Variants in ARID1B observed in about 807,000 individuals in gnomAD.
The protein encoded by ARID1B is AT-rich interactive domain-containing protein 1B.
Under a neutral mutation model 212.3 loss-of-function variants are expected in ARID1B, and 30 were observed. The ratio of observed to expected loss-of-function variants is 0.14; its 90% CI spans 0.11 to 0.19. The LOEUF (loss-of-function observed/expected upper bound fraction) is 0.19, where lower values mean the gene tolerates loss of function less well. ARID1B is among the 10% of genes least tolerant of loss of function. The pLI, the probability that ARID1B is intolerant of heterozygous loss-of-function variation, is 1.00. For synonymous variants in ARID1B, 1,402 were observed against 1,301.7 expected (o/e 1.08, Z -1.66); for missense variants, 2,891 against 3,204.0 (o/e 0.90, Z 2.36).
intron 4 of ARID1B, among the ~76,000 whole-genome samples, chr6:156,990,551 G>C (rs9397990): frequency 3.9e-5 from 6 of 152,130 alleles, no homozygotes; most frequent in African/African-American, 1.4e-4. Flanking sequence ...TGAGGCAGGA[G>C]AATCACTTGA....
At chr6:156,972,363 G>A (rs1479409022) in intron 4 of ARID1B, among the ~76,000 whole-genome samples, 1 of 152,174 alleles carries the variant, frequency 6.6e-6, no homozygotes, top group Non-Finnish European at 1.5e-5. Context: ...TGGTTGCATG[G>A]TGGCACCTGT....
At chr6:156,991,872 A>G (rs937826034) in intron 4 of ARID1B, among the ~76,000 whole-genome samples, 2 of 152,186 alleles carry the variant, frequency 1.3e-5, no homozygotes, top group Non-Finnish European at 2.9e-5. Context: ...TCTCCAGGAC[A>G]TGTTTGTTCA....
At chr6:156,873,424 A>G (rs1786302552) in intron 2 of ARID1B, among the ~76,000 whole-genome samples, 1 of 152,212 alleles carries the variant, frequency 6.6e-6, no homozygotes, top group East Asian at 1.9e-4. Context: ...GTCTTTTATT[A>G]CTTTAAACTT....
Position 157,206,559 on chromosome 6 carries a change from G to T in ARID1B, c.5787G>T (p.Leu1929Phe). ...TTGTTGTTGACCGATCTGACAAGTT[G>T]GGGCGTGTGCAGGAGTTCAATAGTG... Reference protein sequence around the residue: ...NLFVVDRSDKLGRVQEFNSGL... With the variant: ...NLFVVDRSDKFGRVQEFNSGL... Residue 1929 changes from leucine (L) to phenylalanine (F), a missense_variant, in exon 20 of 20, where the codon TTG (leucine) becomes TTT (phenylalanine). Around this residue, in one of 7 missense-constraint regions of ARID1B, gnomAD observed 332 missense variants for 369.2 expected, o/e 0.90. Transcript: ENST00000636930. This position sits in a 1 kb window ranked among gnomAD's most constrained non-coding sequence, Gnocchi z 6.8. 6.2e-7 allele frequency: 1 copy of T among 1,614,140 alleles called. No individual in the cohort carries two copies. Among genetic ancestry groups the T allele is most frequent in the Non-Finnish European group, 8.5e-7 (1 of 1,180,024 alleles).
At chr6:157,098,016 A>T (rs1251920714) in intron 5 of ARID1B, among the ~76,000 whole-genome samples, 1 of 152,248 alleles carries the variant, frequency 6.6e-6, no homozygotes, top group Non-Finnish European at 1.5e-5. Flanking sequence ...CAAGTCTTTC[A>T]TCTGTCACTA....
intron 1 of ARID1B, among the ~76,000 whole-genome samples, chr6:156,815,276 C>A (rs982702054): frequency 6.6e-6 from 1 of 152,108 alleles, no homozygotes; most frequent in Non-Finnish European, 1.5e-5. Flanking sequence ...AAATTTTCTA[C>A]TGTTGAGTTT....
chr6:156,861,780 T>G (rs1310969842), intron 2 of ARID1B, among the ~76,000 whole-genome samples: 5 of 152,066 alleles, frequency 3.3e-5, no homozygotes, highest in Non-Finnish European at 7.4e-5. Flanking sequence ...AGCTATGAAG[T>G]CTGTACTCTA....
At chr6:156,867,089 C>A (rs1448694167) in intron 2 of ARID1B, among the ~76,000 whole-genome samples, 1 of 152,172 alleles carries the variant, frequency 6.6e-6, no homozygotes, top group Non-Finnish European at 1.5e-5. Context: ...TGTCTTTCAG[C>A]CATCCATTGC....
chr6:156,915,543 C>T (rs774836816), intron 3 of ARID1B, among the ~76,000 whole-genome samples: 3 of 149,892 alleles, frequency 2.0e-5, no homozygotes, highest in East Asian at 2.0e-4. Context: ...ACTGCAGCCT[C>T]GGTGACAGAG....
chr6:156,791,836 C>A (rs750536139), intron 1 of ARID1B, among the ~76,000 whole-genome samples: 2 of 152,100 alleles, frequency 1.3e-5, no homozygotes, highest in Non-Finnish European at 2.9e-5. Context: ...GGAACCGTGT[C>A]CTTTTAAAAA....
intron 4 of ARID1B, chr6:157,030,232 C>T (rs1335474908): frequency 6.6e-6 from 1 of 152,320 alleles, no homozygotes; most frequent in Non-Finnish European, 1.5e-5. Flanking sequence ...GTAACAGGAC[C>T]ATGTGTTATC....
chr6:156,831,334 G>A (rs1327677918), intron 2 of ARID1B, among the ~76,000 whole-genome samples: 8 of 152,196 alleles, frequency 5.3e-5, no homozygotes, highest in East Asian at 3.8e-4. Context: ...TAGTGGGACC[G>A]GCAGAGAGAA....
At chr6:157,125,262 G>A (rs897225543) in intron 6 of ARID1B, among the ~76,000 whole-genome samples, 2 of 152,180 alleles carry the variant, frequency 1.3e-5, no homozygotes, top group African/African-American at 4.8e-5. Context: ...CTTAGAGGAG[G>A]AAAACCAATA....
intron 3 of ARID1B, among the ~76,000 whole-genome samples, chr6:156,924,004 T>C (rs1251283779): frequency 6.6e-6 from 1 of 152,236 alleles, no homozygotes; most frequent in Non-Finnish European, 1.5e-5. Flanking sequence ...CTGATTCTCA[T>C]TCTTAAATAT....
intron 2 of ARID1B, among the ~76,000 whole-genome samples, chr6:156,880,567 C>T (rs1159770327): frequency 1.3e-5 from 2 of 151,678 alleles, no homozygotes; most frequent in Admixed American, 6.6e-5. Flanking sequence ...GGCGAAACCC[C>T]GTCTCTACTA....
At chr6:156,977,904 C>T (rs1284130784) in intron 4 of ARID1B, among the ~76,000 whole-genome samples, 1 of 152,162 alleles carries the variant, frequency 6.6e-6, no homozygotes, top group East Asian at 1.9e-4. Flanking sequence ...TAAGCAGGGT[C>T]TGCACTGATT....
intron 3 of ARID1B, among the ~76,000 whole-genome samples, chr6:156,914,742 A>G (rs566435995): frequency 8.5e-5 from 13 of 152,296 alleles, no homozygotes; most frequent in Middle Eastern, 3.4e-3. Context: ...GGCTTTGGAA[A>G]ATCAACATAT....
In ARID1B at chr6:157,201,046, T is replaced by C. The variant is rs1794070706; in HGVS notation, c.4821T>C (p.Pro1607=). The change falls in exon 18 of 20, where the codon CCT becomes CCC. Residue 1607 remains proline, a synonymous_variant. Coordinates refer to ENST00000636930, the MANE Select transcript of ARID1B (RefSeq NM_001374828.1). The surrounding 1 kb of genome is among the most constrained non-coding windows in gnomAD (Gnocchi z 5.2). ...AGAACAGGCAGGGCCCTGGCGGCCCTACACAGGCGCCCCCTTACCCAGGCA... is the reference window on the plus strand; with the variant it reads ...AGAACAGGCAGGGCCCTGGCGGCCCCACACAGGCGCCCCCTTACCCAGGCA... ...PYQNRQGPGG[P]TQAPPYPGMN... The C allele has an allele frequency of 1.2e-6, 2 of 1,613,758 alleles. No homozygotes were observed. The highest frequency in any genetic ancestry group is 8.5e-7 in the Non-Finnish European group (1 of 1,179,836).
In ARID1B at chr6:156,994,176, GT is replaced by G. The variant is rs1443731608; in HGVS notation, c.2247+58606del. ...GTAGAAATAGTGACTGATTTAAAAAGTTTTTTGCCCTTAATGAAGGGTTAGA... is the reference window on the plus strand; with the variant it reads ...GTAGAAATAGTGACTGATTTAAAAAGTTTTTGCCCTTAATGAAGGGTTAGA... On this transcript the variant is annotated intron_variant, in intron 4 of 19. Transcript: ENST00000636930. Among the ~76,000 whole-genome samples, 10 of 152,102 alleles carry G rather than the reference GT, an allele frequency of 6.6e-5. 1 individual carries two copies. Among genetic ancestry groups the G allele is most frequent in the Admixed American group, 1.3e-4 (2 of 15,280 alleles).
Sources: allele counts gnomAD v4.1 joint callset (sites outside exome capture counted in the v4.1 genomes callset), GRCh38; gene constraint gnomAD v4.1.1; regional missense constraint gnomAD v4.1.1; non-coding constraint Gnocchi (gnomAD v3.1); transcripts MANE v1.5; gene names NCBI Gene and HGNC (gene_info 2026-07-23, HGNC 2026-07-21).